RANBP2: variants seen among roughly 807,000 people sequenced by gnomAD.
RANBP2 encodes E3 SUMO-protein ligase RanBP2.
RANBP2 carries 57 observed loss-of-function variants against 303.6 expected under a neutral mutation model. The ratio of observed to expected loss-of-function variants is 0.19; its 90% CI spans 0.15 to 0.23. The LOEUF is 0.23. Ranked by LOEUF, RANBP2 falls within the 10% of genes least tolerant of loss-of-function variation. The probability of loss-of-function intolerance (pLI) is 1.00; values close to 1 mark genes in which losing one functional copy is unlikely to be tolerated. For missense variants in RANBP2, 3,138 were observed against 3,780.8 expected (o/e 0.83, Z 4.46); for synonymous variants, 1,167 against 1,301.5 (o/e 0.90, Z 2.23).
At chr2:108,938,792 C>CA in the RANBP2 span, among the ~76,000 whole-genome samples, 1 of 147,072 alleles carries the variant, frequency 6.8e-6, no homozygotes, top group African/African-American at 2.5e-5. Flanking sequence ...TTCTTCCCCC[C>CA]CCGCCCCACC....
At chr2:109,352,303 C>G in the RANBP2 span, among the ~76,000 whole-genome samples, 4 of 152,178 alleles carry the variant, frequency 2.6e-5, no homozygotes, top group Non-Finnish European at 5.9e-5. Flanking sequence ...AAGTAAGCCT[C>G]CCTCCTAAAG....
chr2:109,027,396 G>T, the RANBP2 span, among the ~76,000 whole-genome samples: 1 of 152,150 alleles, frequency 6.6e-6, no homozygotes, highest in African/African-American at 2.4e-5. Context: ...GTCTTCAAGG[G>T]AAGAGCTTTT....
the RANBP2 span, among the ~76,000 whole-genome samples, chr2:108,797,688 T>C: frequency 6.6e-6 from 1 of 152,172 alleles, no homozygotes; most frequent in African/African-American, 2.4e-5. Context: ...GAAGCATGTA[T>C]ATATGTATTT....
the RANBP2 span, among the ~76,000 whole-genome samples, chr2:109,078,098 A>ATATATATATATATATAGCG: frequency 3.3e-5 from 2 of 60,068 alleles, no homozygotes; most frequent in African/African-American, 1.7e-4. Context: ...ATATATATAT[A>ATATATATATATATATAGCG]TATATATATA....
the RANBP2 span, among the ~76,000 whole-genome samples, chr2:108,844,177 C>T: frequency 1.2e-3 from 175 of 152,094 alleles, 1 homozygote; most frequent in African/African-American, 4.1e-3. Context: ...AGTGCTTTTT[C>T]AGCCCTACCT....
chr2:108,729,252 A>C, intron 2 of RANBP2, 53 bp downstream of exon 2: 2 of 1,518,186 alleles, frequency 1.3e-6, no homozygotes, highest in Non-Finnish European at 1.8e-6. Flanking sequence ...GCCTTTTCTC[A>C]TTTTCTTCTT....
chr2:109,208,397 T>C, the RANBP2 span, among the ~76,000 whole-genome samples: 22 of 152,250 alleles, frequency 1.4e-4, no homozygotes, highest in African/African-American at 5.3e-4. Flanking sequence ...GGGCAGCTTA[T>C]GCTTCCTGTA....
At chr2:109,259,635 G>A in the RANBP2 span, among the ~76,000 whole-genome samples, 1 of 152,242 alleles carries the variant, frequency 6.6e-6, no homozygotes, top group African/African-American at 2.4e-5. Flanking sequence ...TGGTGACAGG[G>A]AGACCCTGAT....
At chr2:109,723,487 A>G in the RANBP2 span, among the ~76,000 whole-genome samples, 5 of 152,100 alleles carry the variant, frequency 3.3e-5, no homozygotes, top group African/African-American at 9.7e-5. Flanking sequence ...ATGGTATCTC[A>G]TTGTGGTTTC....
the RANBP2 span, among the ~76,000 whole-genome samples, chr2:108,834,535 C>G: frequency 6.6e-6 from 1 of 152,138 alleles, no homozygotes; most frequent in African/African-American, 2.4e-5. Context: ...TTTTTATACA[C>G]TAAGTATTGT....
the RANBP2 span, among the ~76,000 whole-genome samples, chr2:109,188,967 C>T: frequency 6.6e-6 from 1 of 151,854 alleles, no homozygotes; most frequent in Non-Finnish European, 1.5e-5. Context: ...GTGAAGTACT[C>T]TTTTCATCTT....
intron 28 of RANBP2, 128 bp downstream of exon 28, chr2:108,782,990 A>G (rs1678360848): frequency 2.5e-6 from 2 of 813,678 alleles, no homozygotes; most frequent in Non-Finnish European, 4.0e-6. Context: ...TTTTCCACAC[A>G]TGGAATCACA....
At chr2:109,574,987 T>A in the RANBP2 span, among the ~76,000 whole-genome samples, 1 of 152,220 alleles carries the variant, frequency 6.6e-6, no homozygotes, top group Non-Finnish European at 1.5e-5. Flanking sequence ...GATAAATCCA[T>A]CACATAAGTT....
At chr2:109,445,936 C>T in the RANBP2 span, among the ~76,000 whole-genome samples, 1 of 152,076 alleles carries the variant, frequency 6.6e-6, no homozygotes, top group Non-Finnish European at 1.5e-5. Context: ...GCTCACAGTC[C>T]TTGGAAGCTG....
At chr2:109,693,443 G>A in the RANBP2 span, among the ~76,000 whole-genome samples, 1 of 152,262 alleles carries the variant, frequency 6.6e-6, no homozygotes, top group African/African-American at 2.4e-5. Flanking sequence ...ACAGGTGTGA[G>A]CCACCACACC....
chr2:109,564,287 C>A, the RANBP2 span: 1 of 1,250,162 alleles, frequency 8.0e-7, no homozygotes, highest in Non-Finnish European at 1.1e-6. Context: ...GAACACATGC[C>A]CCATCATCCT....
At chr2:108,862,179 A>G in the RANBP2 span, among the ~76,000 whole-genome samples, 1 of 150,646 alleles carries the variant, frequency 6.6e-6, no homozygotes, top group Non-Finnish European at 1.5e-5. Context: ...TGGTTGTGGG[A>G]ATGACCCATG....
the RANBP2 span, among the ~76,000 whole-genome samples, chr2:109,193,926 A>G: frequency 2.0e-5 from 3 of 152,196 alleles, no homozygotes; most frequent in African/African-American, 7.2e-5. Context: ...GTCTCCTGGC[A>G]GGGAAAAAGT....
the RANBP2 span, among the ~76,000 whole-genome samples, chr2:109,428,318 G>T: frequency 6.6e-6 from 1 of 152,278 alleles, no homozygotes; most frequent in Non-Finnish European, 1.5e-5. Context: ...GAGCGGAAGA[G>T]AAATCTGCAG....
Sources: allele counts gnomAD v4.1 joint callset (sites outside exome capture counted in the v4.1 genomes callset), GRCh38; gene constraint gnomAD v4.1.1; transcripts MANE v1.5; gene names NCBI Gene and HGNC (gene_info 2026-07-23, HGNC 2026-07-21).